The following CALCRL variants were observed in gnomAD, a reference collection of about 807,000 sequenced individuals.
The protein encoded by CALCRL is calcitonin receptor like receptor, also known as calcitonin gene-related peptide type 1 receptor.
CALCRL carries 27 observed loss-of-function variants against 60.4 expected under a neutral mutation model. That is an observed-to-expected ratio of 0.45 (90% confidence interval 0.33 to 0.62). The LOEUF is 0.62. Ranked by LOEUF, CALCRL falls within the 20% of genes least tolerant of loss-of-function variation. The pLI is 0.03. For missense variants in CALCRL, 424 were observed against 540.7 expected (o/e 0.78, Z 2.14); for synonymous variants, 190 against 182.6 (o/e 1.04, Z -0.33).
At chr2:187,440,884 A>G (rs1690876040) in intron 1 of CALCRL, among the ~76,000 whole-genome samples, 2 of 152,240 alleles carry the variant, frequency 1.3e-5, no homozygotes, top group Admixed American at 1.3e-4. Context: ...TAGAAATTCA[A>G]TTAATTAAAA....
chr2:187,425,834 AC>A (rs1469972617), intron 1 of CALCRL, among the ~76,000 whole-genome samples: 2 of 151,986 alleles, frequency 1.3e-5, no homozygotes, highest in African/African-American at 4.8e-5. Flanking sequence ...AACTTTTGGC[AC>A]ATTTTAAATG....
At chr2:187,376,006 C>T (rs143572168) in intron 8 of CALCRL, among the ~76,000 whole-genome samples, 1 of 152,192 alleles carries the variant, frequency 6.6e-6, no homozygotes, top group Non-Finnish European at 1.5e-5. Context: ...AATACTTTAA[C>T]AGATACCAAC....
chr2:187,365,546 G>T (rs1574229195), intron 8 of CALCRL, among the ~76,000 whole-genome samples: 1 of 152,102 alleles, frequency 6.6e-6, no homozygotes. Flanking sequence ...ATATATCTAA[G>T]TCCATTGGCT....
rs533412187 is a variant in CALCRL, at chr2:187,343,108, C to G, written c.*3076G>C. The G allele has an allele frequency of 1.3e-3, 198 of 151,330 alleles. 2 individuals are homozygous for G. Among genetic ancestry groups the G allele is most frequent in the African/African-American group, 4.7e-3 (196 of 41,482 alleles). The allele number at this position is 151,330 out of a possible 1,614,324, so 9.4% of individuals were successfully genotyped here. A position where few individuals can be genotyped will look rare whatever the true frequency, so the allele number is the denominator to read the frequency against. On this transcript the variant is annotated 3_prime_UTR_variant, in exon 15 of 15. Coordinates refer to ENST00000392370, the MANE Select transcript of CALCRL (RefSeq NM_005795.6). ...AGTTGGATTTTTTTAGTTTGAAAAA[C>G]AAATCATGACTTTTTCTTAATTGGT...
At chr2:187,413,470 C>T (rs57725954) in intron 1 of CALCRL, among the ~76,000 whole-genome samples, 2,276 of 152,166 alleles carry the variant, frequency 0.015, 55 homozygotes, top group African/African-American at 0.052. Context: ...ATTATATCTT[C>T]CCTCCCATAT....
chr2:187,353,123 C>T (rs1686608060), intron 12 of CALCRL, among the ~76,000 whole-genome samples: 1 of 151,876 alleles, frequency 6.6e-6, no homozygotes, highest in African/African-American at 2.4e-5. Context: ...CTCTTTCTCT[C>T]GCATAATACA....
chr2:187,418,445 C>T (rs776384551), intron 1 of CALCRL, among the ~76,000 whole-genome samples: 5 of 152,242 alleles, frequency 3.3e-5, no homozygotes, highest in Non-Finnish European at 7.4e-5. Context: ...CTTAATGACA[C>T]TGTATCATGT....
intron 8 of CALCRL, among the ~76,000 whole-genome samples, chr2:187,378,571 G>A (rs79468643): frequency 1.3e-5 from 2 of 152,002 alleles, no homozygotes; most frequent in South Asian, 2.1e-4. Context: ...ACAAAATTCC[G>A]GTTTCTAAAA....
intron 1 of CALCRL, among the ~76,000 whole-genome samples, chr2:187,440,369 T>A (rs1690840923): frequency 6.6e-6 from 1 of 152,162 alleles, no homozygotes; most frequent in African/African-American, 2.4e-5. Flanking sequence ...GTTGTCAGAG[T>A]GTAAACATCT....
At chr2:187,390,537 T>C (rs1688392445) in intron 1 of CALCRL, among the ~76,000 whole-genome samples, 1 of 152,164 alleles carries the variant, frequency 6.6e-6, no homozygotes, top group African/African-American at 2.4e-5. Flanking sequence ...TACCATTATT[T>C]TTGTTGCTTA....
At position 187,379,013 on chromosome 2, in the gene CALCRL, A is replaced by G. The variant is rs1687881338; in HGVS notation, c.427T>C (p.Tyr143His). The part of the protein sequence containing the change: ...EKVKTALNLF[Y>H]LTIIGHGLSI... The stretch of plus-strand genomic sequence containing the variant: ...AATCCGTGTCCAATTATGGTCAGGT[A>G]AAACAAATTTAGTGCAGTCTGTAAT... Residue 143 changes from tyrosine (Y) to histidine (H), a missense_variant, in exon 8 of 15, where the codon TAC becomes CAC. By Grantham distance (83) the Tyr-to-His change is moderately conservative. Around this residue, in one of 7 missense-constraint regions of CALCRL, gnomAD observed 43 missense variants for 46.6 expected, o/e 0.92. Coordinates refer to ENST00000392370, the MANE Select transcript of CALCRL (RefSeq NM_005795.6). 7.5e-6 allele frequency: 12 copies of G among 1,606,110 alleles called. No homozygotes were observed. Among genetic ancestry groups the G allele is most frequent in the Non-Finnish European group, 1.0e-5 (12 of 1,174,374 alleles).
intron 8 of CALCRL, among the ~76,000 whole-genome samples, chr2:187,372,635 G>C (rs1330085684): frequency 6.6e-6 from 1 of 152,066 alleles, no homozygotes; most frequent in African/African-American, 2.4e-5. Flanking sequence ...TATGGTTCTT[G>C]GTTTTTATTA....
At chr2:187,363,342 C>A (rs367899511) in intron 9 of CALCRL, 34 bp downstream of exon 9, 2 of 1,593,742 alleles carry the variant, frequency 1.3e-6, no homozygotes, top group South Asian at 2.3e-5. Flanking sequence ...CCCATTAGGC[C>A]CTTGAACCAA....
intron 1 of CALCRL, among the ~76,000 whole-genome samples, chr2:187,389,852 T>C (rs1338254907): frequency 6.6e-6 from 1 of 152,172 alleles, no homozygotes; most frequent in Non-Finnish European, 1.5e-5. Context: ...GTATGATTAT[T>C]ATTAGTAACG....
intron 1 of CALCRL, among the ~76,000 whole-genome samples, chr2:187,445,773 A>C (rs1037146023): frequency 1.3e-5 from 2 of 151,566 alleles, no homozygotes; most frequent in Non-Finnish European, 3.0e-5. Context: ...GTGCAGGTGA[A>C]CATAAATATT....
chr2:187,370,570 G>A (rs1687476332), intron 8 of CALCRL, among the ~76,000 whole-genome samples: 1 of 152,098 alleles, frequency 6.6e-6, no homozygotes, highest in Non-Finnish European at 1.5e-5. Context: ...ATAAAGATAT[G>A]TGATATTTAA....
chr2:187,379,104 A>C (rs1687885340), intron 7 of CALCRL, 73 bp from the exon 8 acceptor site: 1 of 744,114 alleles, frequency 1.3e-6, no homozygotes, highest in Non-Finnish European at 2.4e-6. Flanking sequence ...CACATGCAGA[A>C]GTTCAAATTC....
chr2:187,432,579 C>A (rs1690448943), intron 1 of CALCRL, among the ~76,000 whole-genome samples: 1 of 152,086 alleles, frequency 6.6e-6, no homozygotes, highest in African/African-American at 2.4e-5. Flanking sequence ...AATCAAAAAT[C>A]ACTTCCAATT....
At chr2:187,396,006 T>C (rs1688633626) in intron 1 of CALCRL, among the ~76,000 whole-genome samples, 2 of 105,512 alleles carry the variant, frequency 1.9e-5, no homozygotes, top group African/African-American at 3.2e-5. Flanking sequence ...TAAAACCAAA[T>C]CTCTCCTGAC....
Sources: gnomAD v4.1 joint callset for allele counts (sites outside exome capture counted in the v4.1 genomes callset) on GRCh38, gnomAD v4.1.1 for gene constraint, gnomAD v4.1.1 regional missense constraint, MANE v1.5 for transcripts, NCBI Gene and HGNC (gene_info 2026-07-23, HGNC 2026-07-21) for gene names.